TYW1B: variants seen among roughly 807,000 people sequenced by gnomAD.
The protein encoded by TYW1B is tRNA-yW synthesizing protein 1 homolog B, also known as S-adenosyl-L-methionine-dependent tRNA 4-demethylwyosine synthase TYW1B.
Under a neutral mutation model 86.9 loss-of-function variants are expected in TYW1B, and 73 were observed. The observed-to-expected ratio is 0.84, with a 90% CI of 0.70 to 1.02. The LOEUF (loss-of-function observed/expected upper bound fraction) is 1.02, where lower values mean the gene tolerates loss of function less well. Among genes scored for constraint, TYW1B ranks in the 50% least tolerant of loss-of-function variants. The pLI is 0.00. For synonymous variants in TYW1B, 248 were observed against 292.8 expected (o/e 0.85, Z 1.56); for missense variants, 637 against 827.4 (o/e 0.77, Z 2.82).
chr7:72,759,911 G>T (rs1787658778), intron 7 of TYW1B, among the ~76,000 whole-genome samples: 2 of 152,074 alleles, frequency 1.3e-5, no homozygotes. Context: ...AAAAGAAAAA[G>T]AACTAGATAG....
intron 3 of TYW1B, among the ~76,000 whole-genome samples, chr7:72,810,926 C>G (rs1473412980): frequency 2.0e-5 from 3 of 151,942 alleles, no homozygotes; most frequent in Non-Finnish European, 4.4e-5. Flanking sequence ...CCAGACTATA[C>G]ATTCTCATCA....
intron 9 of TYW1B, among the ~76,000 whole-genome samples, chr7:72,714,190 GA>G (rs1477299478): frequency 1.3e-5 from 2 of 152,036 alleles, no homozygotes; most frequent in Admixed American, 1.3e-4. Context: ...CCTGAACTGG[GA>G]AAGTAAATGT....
intron 11 of TYW1B, among the ~76,000 whole-genome samples, chr7:72,631,391 G>A (rs1554439773): frequency 6.6e-6 from 1 of 152,090 alleles, no homozygotes; most frequent in Non-Finnish European, 1.5e-5. Flanking sequence ...GCAGGCACCT[G>A]TAATCCAAGC....
intron 6 of TYW1B, among the ~76,000 whole-genome samples, chr7:72,796,733 C>T (rs565185305): frequency 1.3e-5 from 2 of 150,096 alleles, no homozygotes; most frequent in East Asian, 2.0e-4. Context: ...CCTTCTTTCA[C>T]CAGTCCTGAA....
At chr7:72,750,055 G>C (rs1366609546) in intron 7 of TYW1B, among the ~76,000 whole-genome samples, 4 of 151,296 alleles carry the variant, frequency 2.6e-5, no homozygotes, top group African/African-American at 7.3e-5. Flanking sequence ...ACACCTGGTG[G>C]GGGGGTGGGT....
chr7:72,670,592 C>T (rs1216706900), intron 11 of TYW1B, among the ~76,000 whole-genome samples: 1 of 152,174 alleles, frequency 6.6e-6, no homozygotes, highest in African/African-American at 2.4e-5. Context: ...GCCAAGGTTG[C>T]ATAGCTATTA....
Position 72,609,555 on chromosome 7 carries a change from C to A in TYW1B, c.1785+7117G>T, listed in dbSNP as rs190198278. ...GCCTGGGTGACAGAGTGAGATGAGA[C>A]CCTGTCTCCAAAATAAAAAAAAATA... On this transcript the variant is annotated intron_variant, in intron 13 of 13. Coordinates refer to ENST00000620995, the MANE Select transcript of TYW1B (RefSeq NM_001145440.3). 1.1e-3 allele frequency among the ~76,000 whole-genome samples: 171 copies of A among 150,238 alleles called. 2 individuals are homozygous for A. Among genetic ancestry groups the A allele is most frequent in the South Asian group, 8.2e-3 (38 of 4,628 alleles).
At chr7:72,603,744 ACCTCAGTGATCTT>A (rs1432632293) in intron 13 of TYW1B, among the ~76,000 whole-genome samples, 13 of 152,150 alleles carry the variant, frequency 8.5e-5, no homozygotes, top group Non-Finnish European at 1.8e-4. Flanking sequence ...ACGGCACTTC[ACCTCAGTGATCTT>A]CCTCCTAAAA....
In TYW1B at chr7:72,694,682, C is replaced by T; in HGVS notation, c.1506+5G>A. 6.2e-7 allele frequency: 1 copy of T among 1,602,394 alleles called. No individual in the cohort carries two copies. On this transcript the variant is annotated splice_donor_5th_base_variant and intron_variant, in intron 11 of 13. Coordinates refer to ENST00000620995, the MANE Select transcript of TYW1B (RefSeq NM_001145440.3). ...TATTTATTTTTAAGATGTCATAATTCTTACCTTGACTGCCAAGGCTTTTAA... is the reference window on the plus strand; with the variant it reads ...TATTTATTTTTAAGATGTCATAATTTTTACCTTGACTGCCAAGGCTTTTAA...
At chr7:72,678,579 C>CAATGGCCAG (rs1432738604) in intron 11 of TYW1B, among the ~76,000 whole-genome samples, 4 of 148,406 alleles carry the variant, frequency 2.7e-5, no homozygotes, top group African/African-American at 9.9e-5. Context: ...AAAACCCTGA[C>CAATGGCCAG]AATGGCCAGG....
intron 11 of TYW1B, among the ~76,000 whole-genome samples, chr7:72,667,376 C>T (rs1425963585): frequency 6.6e-6 from 1 of 152,108 alleles, no homozygotes; most frequent in Admixed American, 6.6e-5. Context: ...CAATTTAAAA[C>T]GTTGTATTGA....
At chr7:72,627,455 AG>A (rs1196080318) in intron 12 of TYW1B, among the ~76,000 whole-genome samples, 3 of 74,244 alleles carry the variant, frequency 4.0e-5, no homozygotes, top group African/African-American at 1.4e-4. Context: ...CTCAAAAAAC[AG>A]TAACATAACA....
At position 72,575,164 on chromosome 7, in the gene TYW1B, T is replaced by A. The variant is rs1810991253; in HGVS notation, c.*334A>T. 2.7e-6 allele frequency: 3 copies of A among 1,099,848 alleles called. No homozygotes were observed. Among genetic ancestry groups the A allele is most frequent in the Non-Finnish European group, 3.3e-6 (3 of 901,676 alleles). 68.1% of individuals were successfully genotyped at this position (1,099,848 alleles called of 1,614,324 possible). On this transcript the variant is annotated 3_prime_UTR_variant, in exon 14 of 14. Transcript: ENST00000620995. Reference sequence around the variant, plus strand: ...CAGGGATTTCTTCCTTGTCTGACACTCTCAGGACTAGCATTCTGGCAGGTC... The same window carrying A: ...CAGGGATTTCTTCCTTGTCTGACACACTCAGGACTAGCATTCTGGCAGGTC...
chr7:72,795,860 T>C (rs1585989684), intron 6 of TYW1B, among the ~76,000 whole-genome samples: 1 of 29,316 alleles, frequency 3.4e-5, no homozygotes, highest in Non-Finnish European at 7.3e-5. Context: ...CAGGGTGGAG[T>C]GCAATGGTGC....
At chr7:72,741,316 A>G (rs1457553560) in intron 8 of TYW1B, among the ~76,000 whole-genome samples, 1 of 152,196 alleles carries the variant, frequency 6.6e-6, no homozygotes, top group East Asian at 1.9e-4. Context: ...ATGTGAAAGA[A>G]TAATAACTGA....
intron 13 of TYW1B, among the ~76,000 whole-genome samples, chr7:72,603,629 G>A (rs1811727253): frequency 6.6e-6 from 1 of 152,150 alleles, no homozygotes; most frequent in South Asian, 2.1e-4. Flanking sequence ...ATTTGACAGT[G>A]GAGAAACCTG....
rs557800275 is a variant in TYW1B, at chr7:72,748,836, A to G, written c.965-4235T>C. The stretch of plus-strand genomic sequence containing the variant: ...ATACTTGGCTGAATTCTATTTGCTC[A>G]TATCTTGTTGAGGATTTCTACATCT... On this transcript the variant is annotated intron_variant, in intron 7 of 13. Coordinates refer to ENST00000620995, the MANE Select transcript of TYW1B (RefSeq NM_001145440.3). 9.2e-5 allele frequency among the ~76,000 whole-genome samples: 14 copies of G among 152,134 alleles called. 1 individual carries two copies. In the South Asian group the frequency reaches 2.9e-3, roughly 32 times the overall value.
At chr7:72,815,201 C>G (rs1788699644) in intron 3 of TYW1B, among the ~76,000 whole-genome samples, 179 bp downstream of exon 3, 1 of 151,970 alleles carries the variant, frequency 6.6e-6, no homozygotes, top group Non-Finnish European at 1.5e-5. Flanking sequence ...ACGTGAGAAT[C>G]AGTGAACCTC....
chr7:72,610,312 A>G (rs1349505281), intron 13 of TYW1B, among the ~76,000 whole-genome samples: 2 of 152,120 alleles, frequency 1.3e-5, no homozygotes, highest in Non-Finnish European at 2.9e-5. Context: ...CCATAATTCG[A>G]TATCTATATC....
Sources: allele counts gnomAD v4.1 joint callset (sites outside exome capture counted in the v4.1 genomes callset), GRCh38; gene constraint gnomAD v4.1.1; transcripts MANE v1.5; gene names NCBI Gene and HGNC (gene_info 2026-07-23, HGNC 2026-07-21).